SV2C: variants seen among roughly 807,000 people sequenced by gnomAD.
SV2C encodes synaptic vesicle glycoprotein 2C, also known as solute carrier family 22 member B3.
In SV2C, 49 loss-of-function variants were observed where a neutral mutation model predicts 79.7. The ratio of observed to expected loss-of-function variants is 0.61; its 90% CI spans 0.49 to 0.78. The LOEUF is 0.78. Among genes scored for constraint, SV2C ranks in the 30% least tolerant of loss-of-function variants. The probability of loss-of-function intolerance (pLI) is 0.00; values close to 1 mark genes in which losing one functional copy is unlikely to be tolerated. For synonymous variants in SV2C, 334 were observed against 333.2 expected (o/e 1.00, Z -0.03); for missense variants, 833 against 912.9 (o/e 0.91, Z 1.13).
At chr5:76,048,342 G>A in the SV2C span, among the ~76,000 whole-genome samples, 3 of 152,174 alleles carry the variant, frequency 2.0e-5, no homozygotes, top group Non-Finnish European at 4.4e-5. Context: ...CAAACGAAGA[G>A]AATGAATTTG....
At chr5:76,123,727 T>C (rs186942440) in intron 1 of SV2C, among the ~76,000 whole-genome samples, 176 of 152,300 alleles carry the variant, frequency 1.2e-3, no homozygotes, top group African/African-American at 4.1e-3. Context: ...ACATCACAGA[T>C]TTCTTGAATA....
chr5:76,104,285 A>C (rs1281975926), intron 1 of SV2C, among the ~76,000 whole-genome samples: 2 of 152,236 alleles, frequency 1.3e-5, no homozygotes, highest in African/African-American at 2.4e-5. Context: ...AACAAAACGC[A>C]CTACAACAGA....
chr5:75,891,633 A>G, the SV2C span, among the ~76,000 whole-genome samples: 3 of 152,120 alleles, frequency 2.0e-5, no homozygotes, highest in Non-Finnish European at 4.4e-5. Flanking sequence ...TTAGCTGGAA[A>G]AACTTGAGTT....
chr5:76,131,604 A>T (rs1269228102), intron 1 of SV2C, 46 bp from the exon 2 acceptor site: 1 of 515,220 alleles, frequency 1.9e-6, no homozygotes, highest in Non-Finnish European at 3.3e-6. Flanking sequence ...AAAAATATAT[A>T]TATAGAAAGG....
the SV2C span, among the ~76,000 whole-genome samples, chr5:75,860,211 C>T: frequency 3.0e-4 from 45 of 152,188 alleles, no homozygotes; most frequent in African/African-American, 9.2e-4. Context: ...ACAAAATCAA[C>T]GTACAAAAGT....
At chr5:76,049,027 A>G in the SV2C span, among the ~76,000 whole-genome samples, 162 of 41,104 alleles carry the variant, frequency 3.9e-3, 7 homozygotes, top group African/African-American at 0.011. Context: ...AAGAAAGAAA[A>G]AGAAAAGAGG....
At chr5:76,098,301 G>T (rs923544439) in intron 1 of SV2C, among the ~76,000 whole-genome samples, 22 of 152,186 alleles carry the variant, frequency 1.4e-4, no homozygotes, top group African/African-American at 4.8e-4. Flanking sequence ...AGGGGCTGAA[G>T]GCCTGGTGAC....
chr5:75,879,620 T>C, the SV2C span, among the ~76,000 whole-genome samples: 3 of 152,174 alleles, frequency 2.0e-5, no homozygotes, highest in African/African-American at 7.2e-5. Context: ...AGGATGCCAA[T>C]CACATGTCTG....
chr5:75,987,525 A>G, the SV2C span, among the ~76,000 whole-genome samples: 3 of 151,886 alleles, frequency 2.0e-5, no homozygotes, highest in South Asian at 2.1e-4. Flanking sequence ...AGGAAAACCA[A>G]CTCTGGACTA....
chr5:76,141,050 G>C (rs2112207745), intron 2 of SV2C, among the ~76,000 whole-genome samples: 1 of 152,276 alleles, frequency 6.6e-6, no homozygotes, highest in East Asian at 1.9e-4. Flanking sequence ...TATGGTCCTG[G>C]ATCTTATTTC....
the SV2C span, among the ~76,000 whole-genome samples, chr5:75,934,211 G>GA: frequency 6.6e-6 from 1 of 151,840 alleles, no homozygotes; most frequent in African/African-American, 2.4e-5. Context: ...CACTGCATTA[G>GA]ACTGTGACTG....
At chr5:76,049,565 G>A in the SV2C span, among the ~76,000 whole-genome samples, 1 of 152,096 alleles carries the variant, frequency 6.6e-6, no homozygotes, top group Non-Finnish European at 1.5e-5. Context: ...AATGGGTATG[G>A]GCTGCTAGAA....
At chr5:76,279,849 T>G (rs2112486945) in intron 4 of SV2C, among the ~76,000 whole-genome samples, 1 of 152,168 alleles carries the variant, frequency 6.6e-6, no homozygotes, top group African/African-American at 2.4e-5. Context: ...CGATGAGGGT[T>G]GGAGAGGAGG....
the SV2C span, among the ~76,000 whole-genome samples, chr5:75,879,203 T>C: frequency 2.6e-5 from 4 of 152,118 alleles, no homozygotes; most frequent in Non-Finnish European, 5.9e-5. Flanking sequence ...TCAAACCATA[T>C]CATTCTGCCC....
In SV2C at chr5:76,311,140, G is replaced by A. The variant is rs143261097; in HGVS notation, c.2000+9595G>A. 29 of 152,424 alleles carry A rather than the reference G, an allele frequency of 1.9e-4. No homozygotes were observed. In the South Asian group the frequency reaches 5.6e-3, roughly 29 times the overall value. 9.4% of individuals were successfully genotyped at this position (152,424 alleles called of 1,614,324 possible). ...CAGGTAGAGGCAAGATATCAGAACT[G>A]TCTGCAGTGGAAGTTGAAGGCACCT... On this transcript the variant is annotated intron_variant, in intron 12 of 12. Transcript: ENST00000502798.
At chr5:76,177,568 A>G (rs1743577627) in intron 2 of SV2C, among the ~76,000 whole-genome samples, 2 of 152,242 alleles carry the variant, frequency 1.3e-5, no homozygotes, top group Non-Finnish European at 2.9e-5. Flanking sequence ...TAATATTTTC[A>G]GACCATGGTT....
At chr5:75,879,694 A>T in the SV2C span, among the ~76,000 whole-genome samples, 2 of 152,046 alleles carry the variant, frequency 1.3e-5, no homozygotes, top group Admixed American at 1.3e-4. Context: ...CTGCCAGTGG[A>T]TCTATCATTC....
intron 2 of SV2C, among the ~76,000 whole-genome samples, chr5:76,171,514 G>A (rs1353704863): frequency 1.5e-5 from 2 of 130,042 alleles, no homozygotes; most frequent in South Asian, 2.6e-4. Flanking sequence ...CAACCACCCC[G>A]TCTGAGAAGT....
At chr5:76,160,469 T>C (rs1186009552) in intron 2 of SV2C, among the ~76,000 whole-genome samples, 3 of 152,170 alleles carry the variant, frequency 2.0e-5, no homozygotes, top group Non-Finnish European at 4.4e-5. Context: ...GACCATCTAA[T>C]GTAGGAAAAA....
Sources: allele counts gnomAD v4.1 joint callset (sites outside exome capture counted in the v4.1 genomes callset), GRCh38; gene constraint gnomAD v4.1.1; transcripts MANE v1.5; gene names NCBI Gene and HGNC (gene_info 2026-07-23, HGNC 2026-07-21).